SNX29: variants seen among roughly 807,000 people sequenced by gnomAD.
SNX29 encodes the protein sorting nexin-29.
In SNX29, 78 loss-of-function variants were observed where a neutral mutation model predicts 102.1. That is an observed-to-expected ratio of 0.76 (90% CI 0.64 to 0.92). The LOEUF is 0.92. SNX29 is among the 40% of genes least tolerant of loss of function. The pLI is 0.00. For missense variants in SNX29, 1,280 were observed against 1,061.7 expected, an observed-to-expected ratio of 1.21 and a Z score of -2.86; for synonymous variants, 580 against 414.5, an observed-to-expected ratio of 1.40 and a Z score of -4.85.
At chr16:11,990,814 C>T (rs151097051) in intron 1 of SNX29, among the ~76,000 whole-genome samples, 2,300 of 152,288 alleles carry the variant, frequency 0.015, 15 homozygotes, top group Middle Eastern at 0.048. Flanking sequence ...CACGTTTAAC[C>T]ATCTAACCGC....
At chr16:12,494,111 G>A (rs769118703) in intron 19 of SNX29, among the ~76,000 whole-genome samples, 7 of 152,118 alleles carry the variant, frequency 4.6e-5, no homozygotes, top group African/African-American at 7.2e-5. Context: ...GCTATGCGAG[G>A]CTCAGGTGGG....
At chr16:12,478,223 T>C (rs933713759) in intron 19 of SNX29, among the ~76,000 whole-genome samples, 1 of 152,240 alleles carries the variant, frequency 6.6e-6, no homozygotes, top group African/African-American at 2.4e-5. Context: ...CAAATGAGTA[T>C]GGCTATGTGC....
intron 9 of SNX29, among the ~76,000 whole-genome samples, chr16:12,065,746 G>C (rs12444873): frequency 0.32 from 48,035 of 151,946 alleles, 7,599 homozygotes; most frequent in Admixed American, 0.36. Flanking sequence ...GTTGTGTGCT[G>C]TTTGGGGTTC....
At chr16:12,027,192 GT>G (rs2057216096) in intron 3 of SNX29, 127 bp from the exon 4 acceptor site, 1 of 1,102,554 alleles carries the variant, frequency 9.1e-7, no homozygotes, top group African/African-American at 1.5e-5. Context: ...GCACATCCAG[GT>G]GTCTCCTGTC....
intron 15 of SNX29, among the ~76,000 whole-genome samples, chr16:12,284,763 C>T (rs1478012256): frequency 2.0e-5 from 3 of 150,566 alleles, no homozygotes; most frequent in African/African-American, 7.3e-5. Context: ...CTCATTCTGT[C>T]ACCCAGGCTG....
rs536095154 is a variant in SNX29, at chr16:12,324,286, G to A, written c.1783-31877G>A. On this transcript the variant is annotated intron_variant, in intron 15 of 20. Coordinates refer to ENST00000566228, the MANE Select transcript of SNX29 (RefSeq NM_032167.5). ...TGCTGCAGAGGCAACTTGGATGCCA[G>A]CAAGTTCCAGGCCAGTGGTATAATG... is the stretch of plus-strand genomic sequence containing the variant. Among the ~76,000 whole-genome samples, 156 of 152,194 alleles carry A rather than the reference G, an allele frequency of 1.0e-3. 1 individual carries two copies. Among genetic ancestry groups the A allele is most frequent in the Middle Eastern group, 0.01 (3 of 294 alleles).
At chr16:12,203,668 C>T (rs1269281575) in intron 14 of SNX29, among the ~76,000 whole-genome samples, 1 of 152,160 alleles carries the variant, frequency 6.6e-6, no homozygotes, top group African/African-American at 2.4e-5. Context: ...CTGATGTTTC[C>T]ACAACAGGGT....
rs2051170404 is a variant in SNX29 at position 12,069,048 on chromosome 16, T to C, written c.1244-9T>C. On this transcript the variant is annotated splice_polypyrimidine_tract_variant and intron_variant, in intron 9 of 20. Transcript: ENST00000566228. ...GTGACCTCTTTCTGTGATTGCTCTCTCTGCACAGATGCCCCCCTCGGAAGC... is the reference window on the plus strand; with the variant it reads ...GTGACCTCTTTCTGTGATTGCTCTCCCTGCACAGATGCCCCCCTCGGAAGC... The C allele has an allele frequency of 6.2e-7, 1 of 1,613,712 alleles. No individual in the cohort carries two copies. The highest frequency in any genetic ancestry group is 8.5e-7 in the Non-Finnish European group (1 of 1,179,702).
chr16:12,436,318 G>A (rs1220470221), intron 18 of SNX29, among the ~76,000 whole-genome samples: 1 of 152,212 alleles, frequency 6.6e-6, no homozygotes, highest in Non-Finnish European at 1.5e-5. Context: ...TTCGGAGAGA[G>A]GGGAAGGAAC....
chr16:12,293,277 A>G (rs1310165335), intron 15 of SNX29, among the ~76,000 whole-genome samples: 1 of 152,140 alleles, frequency 6.6e-6, no homozygotes, highest in East Asian at 1.9e-4. Context: ...TCTTCACGAC[A>G]ACCTTGCAAG....
intron 20 of SNX29, among the ~76,000 whole-genome samples, chr16:12,542,713 C>G (rs977338907): frequency 4.0e-5 from 6 of 150,428 alleles, no homozygotes; most frequent in African/African-American, 9.8e-5. Flanking sequence ...TGGTCCCAGT[C>G]TTTTACTCTT....
intron 15 of SNX29, among the ~76,000 whole-genome samples, chr16:12,295,179 G>A (rs986001609): frequency 1.3e-5 from 2 of 152,154 alleles, no homozygotes; most frequent in African/African-American, 2.4e-5. Context: ...GATTTGGGCC[G>A]GGGCACACCT....
chr16:11,999,498 C>T, intron 2 of SNX29, 140 bp downstream of exon 2: 1 of 858,686 alleles, frequency 1.2e-6, no homozygotes, highest in Non-Finnish European at 1.8e-6. Context: ...CTCATTTTTC[C>T]CAGGAAATGA....
intron 20 of SNX29, among the ~76,000 whole-genome samples, chr16:12,545,894 G>A (rs1464458982): frequency 1.3e-5 from 2 of 152,118 alleles, no homozygotes; most frequent in Non-Finnish European, 2.9e-5. Flanking sequence ...TTGGGGTGGG[G>A]TACCTGGAGC....
intron 3 of SNX29, among the ~76,000 whole-genome samples, chr16:12,015,551 T>A (rs1469590613): frequency 1.4e-5 from 2 of 145,322 alleles, no homozygotes; most frequent in African/African-American, 5.2e-5. Flanking sequence ...TTTTTTTTTT[T>A]CCGAGACGGA....
chr16:12,488,635 C>T (rs1049104309), intron 19 of SNX29, among the ~76,000 whole-genome samples: 2 of 152,172 alleles, frequency 1.3e-5, no homozygotes, highest in Non-Finnish European at 2.9e-5. Context: ...CTTTCTCCCT[C>T]GTCCTATGTC....
intron 13 of SNX29, among the ~76,000 whole-genome samples, chr16:12,166,691 C>T (rs775044676): frequency 2.6e-5 from 4 of 152,186 alleles, no homozygotes; most frequent in Non-Finnish European, 4.4e-5. Context: ...TACCCACCCT[C>T]CTTTAGAGGC....
chr16:12,181,025 C>T (rs2076372301), intron 13 of SNX29, among the ~76,000 whole-genome samples: 1 of 152,168 alleles, frequency 6.6e-6, no homozygotes, highest in Non-Finnish European at 1.5e-5. Flanking sequence ...CTGCAGGGCC[C>T]AGTCCTGGAA....
chr16:12,243,620 T>G (rs759869291), intron 14 of SNX29, among the ~76,000 whole-genome samples: 1 of 152,200 alleles, frequency 6.6e-6, no homozygotes, highest in African/African-American at 2.4e-5. Flanking sequence ...TCTGATACCC[T>G]ATTTTGGCCC....
Sources: allele counts gnomAD v4.1 joint callset (sites outside exome capture counted in the v4.1 genomes callset), GRCh38; gene constraint gnomAD v4.1.1; transcripts MANE v1.5; gene names NCBI Gene and HGNC (gene_info 2026-07-23, HGNC 2026-07-21).